Variants in CBL observed in about 807,000 individuals in gnomAD.
CBL encodes Cbl proto-oncogene, also known as E3 ubiquitin-protein ligase CBL.
In CBL, 45 loss-of-function variants were observed where a neutral mutation model predicts 96.9. The observed-to-expected ratio is 0.46, with a 90% CI of 0.37 to 0.60. The LOEUF is 0.60. Among genes scored for constraint, CBL ranks in the 20% least tolerant of loss-of-function variants. The probability of loss-of-function intolerance (pLI) is 0.00; values close to 1 mark genes in which losing one functional copy is unlikely to be tolerated. For synonymous variants in CBL, 420 were observed against 426.8 expected, an observed-to-expected ratio of 0.98 and a Z score of 0.20; for missense variants, 1,024 against 1,143.5, an observed-to-expected ratio of 0.90 and a Z score of 1.51.
intron 11 of CBL, among the ~76,000 whole-genome samples, chr11:119,287,041 G>T (rs944429112): frequency 2.0e-5 from 3 of 152,190 alleles, no homozygotes; most frequent in African/African-American, 7.2e-5. Context: ...TCCCAGGGGA[G>T]ATTATTCCAG....
chr11:119,230,941 A>G (rs1949497570), intron 1 of CBL, among the ~76,000 whole-genome samples: 1 of 152,260 alleles, frequency 6.6e-6, no homozygotes. Context: ...AATTCTATCT[A>G]TATGATCTTT....
intron 12 of CBL, among the ~76,000 whole-genome samples, chr11:119,289,021 T>G (rs1370648035): frequency 1.3e-5 from 2 of 152,242 alleles, no homozygotes; most frequent in Non-Finnish European, 2.9e-5. Flanking sequence ...TTTCATACAT[T>G]TGAAAATTTT....
intron 2 of CBL, among the ~76,000 whole-genome samples, chr11:119,241,436 T>C (rs1450235550): frequency 6.6e-6 from 1 of 152,180 alleles, no homozygotes; most frequent in East Asian, 1.9e-4. Flanking sequence ...GAAAAAAAAT[T>C]AGTATTGAGT....
In CBL at chr11:119,304,540, G is replaced by A. The variant is rs996471272; in HGVS notation, c.*4759G>A. On this transcript the variant is annotated 3_prime_UTR_variant, in exon 16 of 16. Transcript: ENST00000264033. ...TTCACAGTCTGCTTATGGTATATGT[G>A]GCCCCCAAATAGGCACTCTAGTCCT... The A allele has an allele frequency of 2.1e-5, 5 of 232,792 alleles. No homozygotes were observed. Among genetic ancestry groups the A allele is most frequent in the African/African-American group, 1.1e-4 (5 of 45,270 alleles). 14.4% of individuals were successfully genotyped at this position (232,792 alleles called of 1,614,324 possible).
chr11:119,264,433 C>CTTCT (rs1949782630), intron 2 of CBL, among the ~76,000 whole-genome samples: 1 of 101,980 alleles, frequency 9.8e-6, no homozygotes, highest in Non-Finnish European at 2.2e-5. Flanking sequence ...CTTCTCTTCT[C>CTTCT]TTCTCTTCTT....
chr11:119,263,691 C>T (rs1016266857), intron 2 of CBL, among the ~76,000 whole-genome samples: 3 of 152,044 alleles, frequency 2.0e-5, no homozygotes, highest in Non-Finnish European at 4.4e-5. Context: ...CAGCTTAAGT[C>T]GATGATAAGA....
intron 1 of CBL, among the ~76,000 whole-genome samples, chr11:119,230,556 AAGACAT>A (rs1408281663): frequency 1.3e-5 from 2 of 152,264 alleles, no homozygotes; most frequent in Non-Finnish European, 2.9e-5. Context: ...GAAAACTTAG[AAGACAT>A]AGAATTGTTA....
chr11:119,294,588 C>T (rs527424458), intron 12 of CBL, among the ~76,000 whole-genome samples: 4 of 151,972 alleles, frequency 2.6e-5, no homozygotes, highest in South Asian at 4.2e-4. Context: ...AGGTCAAGAT[C>T]GAGACCATCC....
intron 2 of CBL, among the ~76,000 whole-genome samples, chr11:119,242,829 C>G (rs1405951554): frequency 6.7e-6 from 1 of 150,216 alleles, no homozygotes; most frequent in Non-Finnish European, 1.5e-5. Context: ...AATGGCAAAT[C>G]TACTTTTTTT....
At chr11:119,293,808 G>C (rs1950045875) in intron 12 of CBL, among the ~76,000 whole-genome samples, 1 of 152,198 alleles carries the variant, frequency 6.6e-6, no homozygotes, top group Non-Finnish European at 1.5e-5. Context: ...GCATGGCGCT[G>C]GCATGGTGAG....
Position 119,296,995 on chromosome 11 carries a change from C to T in CBL, c.2114C>T (p.Ser705Phe), listed in dbSNP as rs755908860. ...EEDTEYMTPS[S>F]RPLRPLDTSQ... Reference sequence around the variant, plus strand: ...GACACAGAGTACATGACTCCCTCTTCCAGGCCTCTACGGCCTTTGGATACA... The same window carrying T: ...GACACAGAGTACATGACTCCCTCTTTCAGGCCTCTACGGCCTTTGGATACA... Residue 705 changes from serine (S) to phenylalanine (F), a missense_variant, in exon 13 of 16, where the codon TCC becomes TTC. Around this residue, in one of 4 missense-constraint regions of CBL, gnomAD observed 695 missense variants for 661.6 expected, o/e 1.05. Transcript: ENST00000264033. 23 of 1,610,016 alleles carry T rather than the reference C, an allele frequency of 1.4e-5. No individual in the cohort carries two copies. Among genetic ancestry groups the T allele is most frequent in the Non-Finnish European group, 1.7e-6 (2 of 1,176,302 alleles).
At chr11:119,238,741 G>T (rs926975313) in intron 2 of CBL, among the ~76,000 whole-genome samples, 5 of 152,078 alleles carry the variant, frequency 3.3e-5, no homozygotes, top group African/African-American at 4.8e-5. Flanking sequence ...TGAGGCAGGA[G>T]AATCTCTTGA....
At chr11:119,282,801 G>A (rs991458146) in intron 9 of CBL, among the ~76,000 whole-genome samples, 1 of 152,090 alleles carries the variant, frequency 6.6e-6, no homozygotes, top group Non-Finnish European at 1.5e-5. Context: ...AATAAATCAC[G>A]GCCACCCGCG....
chr11:119,300,569 A>G lies in CBL; in HGVS notation c.*788A>G. Reference sequence around the variant, plus strand: ...GTACTGTTGCTACACTATTATAGGCATGTTTGATACTAGCAGCTAACACTG... The same window carrying G: ...GTACTGTTGCTACACTATTATAGGCGTGTTTGATACTAGCAGCTAACACTG... On this transcript the variant is annotated 3_prime_UTR_variant, in exon 16 of 16. Coordinates refer to ENST00000264033, the MANE Select transcript of CBL (RefSeq NM_005188.4). The G allele has an allele frequency of 2.5e-6, 1 of 399,272 alleles. No homozygotes were observed. Among genetic ancestry groups the G allele is most frequent in the East Asian group, 3.6e-5 (1 of 28,098 alleles). 24.7% of individuals were successfully genotyped at this position (399,272 alleles called of 1,614,324 possible).
chr11:119,285,914 AAAAG>A (rs1013879350), intron 11 of CBL, among the ~76,000 whole-genome samples: 1 of 152,106 alleles, frequency 6.6e-6, no homozygotes, highest in African/African-American at 2.4e-5. Context: ...AGAAGAAAGA[AAAAG>A]AAATATGTGT....
intron 2 of CBL, among the ~76,000 whole-genome samples, chr11:119,244,614 C>G (rs1397255770): frequency 2.2e-5 from 2 of 90,330 alleles, no homozygotes; most frequent in Non-Finnish European, 4.6e-5. Context: ...CGGAGTCTCG[C>G]TCTGTCGCCC....
At chr11:119,218,263 C>T (rs1373433698) in intron 1 of CBL, among the ~76,000 whole-genome samples, 1 of 152,146 alleles carries the variant, frequency 6.6e-6, no homozygotes, top group Admixed American at 6.5e-5. Flanking sequence ...TGGGAACCCT[C>T]TATGCTATAG....
At chr11:119,288,513 G>A (rs1950001991) in intron 12 of CBL, among the ~76,000 whole-genome samples, 1 of 151,866 alleles carries the variant, frequency 6.6e-6, no homozygotes, top group Non-Finnish European at 1.5e-5. Context: ...AGCTCTCTGG[G>A]GTCTCTTCCT....
At chr11:119,281,030 C>G (rs1949929456) in intron 9 of CBL, among the ~76,000 whole-genome samples, 1 of 152,184 alleles carries the variant, frequency 6.6e-6, no homozygotes, top group African/African-American at 2.4e-5. Flanking sequence ...ATATCATACT[C>G]TCAAACATCC....
Sources: gnomAD v4.1 joint callset for allele counts (sites outside exome capture counted in the v4.1 genomes callset) on GRCh38, gnomAD v4.1.1 for gene constraint, gnomAD v4.1.1 regional missense constraint, MANE v1.5 for transcripts, NCBI Gene and HGNC (gene_info 2026-07-23, HGNC 2026-07-21) for gene names.